DPP10: variants seen among roughly 807,000 people sequenced by gnomAD.
DPP10 encodes inactive dipeptidyl peptidase 10.
In DPP10, 33 loss-of-function variants were observed where a neutral mutation model predicts 120.9. That is an observed-to-expected ratio of 0.27 (90% confidence interval 0.21 to 0.37). The LOEUF (loss-of-function observed/expected upper bound fraction) is 0.37. Ranked by LOEUF, DPP10 falls within the 10% of genes least tolerant of loss-of-function variation. The pLI is 1.00. For missense variants in DPP10, 816 were observed against 942.8 expected, an observed-to-expected ratio of 0.87 and a Z score of 1.76; for synonymous variants, 337 against 326.1, an observed-to-expected ratio of 1.03 and a Z score of -0.36.
At chr2:114,819,225 G>A (rs11891418) in intron 1 of DPP10, among the ~76,000 whole-genome samples, 3,182 of 148,700 alleles carry the variant, frequency 0.021, 103 homozygotes, top group African/African-American at 0.069. Context: ...TTAGATAGAC[G>A]TTTCAAGGAA....
chr2:114,671,789 G>A (rs575892694), intron 1 of DPP10, among the ~76,000 whole-genome samples: 23 of 151,878 alleles, frequency 1.5e-4, no homozygotes, highest in East Asian at 9.7e-4. Flanking sequence ...GCGTTTATTC[G>A]TACAGAATCC....
intron 21 of DPP10, among the ~76,000 whole-genome samples, chr2:115,831,838 G>T (rs1009734357): frequency 6.6e-6 from 1 of 152,154 alleles, no homozygotes; most frequent in African/African-American, 2.4e-5. Flanking sequence ...ATGCTAAAAT[G>T]CTTGGCAAAT....
chr2:114,625,536 T>C (rs1694447024), intron 1 of DPP10, among the ~76,000 whole-genome samples: 1 of 152,118 alleles, frequency 6.6e-6, no homozygotes, highest in Admixed American at 6.6e-5. Flanking sequence ...AACAGAAATC[T>C]TCCCTTATCA....
intron 1 of DPP10, among the ~76,000 whole-genome samples, chr2:114,893,846 AT>A (rs1418529038): frequency 6.6e-6 from 1 of 152,124 alleles, no homozygotes. Context: ...GAAAAAACAT[AT>A]TTTTTGTCAC....
intron 1 of DPP10, among the ~76,000 whole-genome samples, chr2:115,044,233 G>A (rs1285517546): frequency 6.6e-6 from 1 of 152,090 alleles, no homozygotes; most frequent in Admixed American, 6.6e-5. Context: ...ATCTTCTGGG[G>A]AGGTCTCAGG....
At chr2:114,721,160 G>T (rs1486789173) in intron 1 of DPP10, among the ~76,000 whole-genome samples, 1 of 152,182 alleles carries the variant, frequency 6.6e-6, no homozygotes, top group Non-Finnish European at 1.5e-5. Flanking sequence ...TCTAAATGAA[G>T]AAATTGGACT....
chr2:115,088,659 T>C (rs1430854256), intron 1 of DPP10, among the ~76,000 whole-genome samples: 1 of 137,686 alleles, frequency 7.3e-6, no homozygotes, highest in Non-Finnish European at 1.5e-5. Flanking sequence ...TTGCCCAGGC[T>C]GGTCTCAAAT....
chr2:115,727,131 GTTGTTGGGGCTA>G (rs1437086207), intron 7 of DPP10, among the ~76,000 whole-genome samples: 3 of 152,066 alleles, frequency 2.0e-5, no homozygotes, highest in Non-Finnish European at 2.9e-5. Flanking sequence ...CATTGTTCCT[GTTGTTGGGGCTA>G]TTGTTGATAT....
At chr2:115,119,989 C>G (rs1047598170) in intron 1 of DPP10, among the ~76,000 whole-genome samples, 1 of 152,176 alleles carries the variant, frequency 6.6e-6, no homozygotes, top group Non-Finnish European at 1.5e-5. Flanking sequence ...TGGTCTTGTA[C>G]TTTTCCCAAT....
At chr2:114,657,237 C>T (rs1405134266) in intron 1 of DPP10, among the ~76,000 whole-genome samples, 2 of 152,112 alleles carry the variant, frequency 1.3e-5, no homozygotes, top group Admixed American at 6.6e-5. Flanking sequence ...TCTATTTTCA[C>T]GTTCTTTCTT....
At chr2:115,489,767 A>T (rs995489726) in intron 3 of DPP10, among the ~76,000 whole-genome samples, 1 of 152,088 alleles carries the variant, frequency 6.6e-6, no homozygotes, top group Non-Finnish European at 1.5e-5. Flanking sequence ...TTTGTAGGGA[A>T]AATTTGGATC....
chr2:115,443,584 T>C (rs914644004), intron 3 of DPP10, among the ~76,000 whole-genome samples: 2 of 152,130 alleles, frequency 1.3e-5, no homozygotes, highest in Non-Finnish European at 2.9e-5. Flanking sequence ...AGTGTTGAAT[T>C]TTCTGAATGT....
intron 1 of DPP10, among the ~76,000 whole-genome samples, chr2:115,067,347 G>C (rs1706947773): frequency 6.6e-6 from 1 of 151,504 alleles, no homozygotes. Flanking sequence ...CGCCTCCCGG[G>C]TTCCCGCCAT....
chr2:115,674,623 T>C (rs2090136188), intron 5 of DPP10, among the ~76,000 whole-genome samples: 1 of 152,130 alleles, frequency 6.6e-6, no homozygotes, highest in Non-Finnish European at 1.5e-5. Flanking sequence ...GAAGACTTGG[T>C]CCCTTAAAGA....
intron 1 of DPP10, among the ~76,000 whole-genome samples, chr2:115,292,319 CTTTTGA>C (rs2060692152): frequency 6.6e-6 from 1 of 151,890 alleles, no homozygotes; most frequent in Non-Finnish European, 1.5e-5. Context: ...AGTCTAAACT[CTTTTGA>C]TTTTATTTTA....
At chr2:115,761,426 T>C (rs1680099786) in intron 11 of DPP10, among the ~76,000 whole-genome samples, 1 of 152,254 alleles carries the variant, frequency 6.6e-6, no homozygotes, top group South Asian at 2.1e-4. Flanking sequence ...TGACACCTTA[T>C]TGATATTGTA....
chr2:115,227,408 C>G (rs1399060193), intron 1 of DPP10, among the ~76,000 whole-genome samples: 1 of 152,130 alleles, frequency 6.6e-6, no homozygotes, highest in East Asian at 1.9e-4. Context: ...CTTTTACTCT[C>G]TTTTTCTTTT....
chr2:115,758,762 T>G (rs996687933), intron 11 of DPP10, among the ~76,000 whole-genome samples: 3 of 152,156 alleles, frequency 2.0e-5, no homozygotes, highest in African/African-American at 4.8e-5. Flanking sequence ...ATAGGTCAAC[T>G]AAATTGAATG....
intron 1 of DPP10, among the ~76,000 whole-genome samples, chr2:115,114,554 G>A (rs1439469799): frequency 6.6e-6 from 1 of 152,100 alleles, no homozygotes; most frequent in Non-Finnish European, 1.5e-5. Context: ...TTCTCTACAT[G>A]TGCCACCAAA....
Sources: gnomAD v4.1 joint callset for allele counts (sites outside exome capture counted in the v4.1 genomes callset) on GRCh38, gnomAD v4.1.1 for gene constraint, MANE v1.5 for transcripts, NCBI Gene and HGNC (gene_info 2026-07-23, HGNC 2026-07-21) for gene names.